SLC30A9: variants seen among roughly 807,000 people sequenced by gnomAD.
The protein encoded by SLC30A9 is solute carrier family 30 member 9.
In SLC30A9, 58 loss-of-function variants were observed where a neutral mutation model predicts 87.5. The ratio of observed to expected loss-of-function variants is 0.66; its 90% CI spans 0.54 to 0.82. The LOEUF (loss-of-function observed/expected upper bound fraction) is 0.82, where lower values mean the gene tolerates loss of function less well. Ranked by LOEUF, SLC30A9 falls within the 40% of genes least tolerant of loss-of-function variation. The pLI, the probability that SLC30A9 is intolerant of heterozygous loss-of-function variation, is 0.00. For missense variants in SLC30A9, 557 were observed against 679.1 expected, an observed-to-expected ratio of 0.82 and a Z score of 2.00; for synonymous variants, 234 against 233.0, an observed-to-expected ratio of 1.00 and a Z score of -0.04.
chr4:42,052,021 A>G (rs1318061473), intron 9 of SLC30A9, among the ~76,000 whole-genome samples: 1 of 150,674 alleles, frequency 6.6e-6, no homozygotes, highest in Non-Finnish European at 1.5e-5. Context: ...ATGATATTAT[A>G]TCATAAGTGA....
intron 6 of SLC30A9, among the ~76,000 whole-genome samples, chr4:42,033,891 C>A (rs1413712641): frequency 6.6e-6 from 1 of 152,124 alleles, no homozygotes; most frequent in Non-Finnish European, 1.5e-5. Context: ...GCTTTTTTTA[C>A]TTAACTCTGT....
At chr4:42,022,080 C>T (rs62302127) in intron 4 of SLC30A9, among the ~76,000 whole-genome samples, 1 of 27,452 alleles carries the variant, frequency 3.6e-5, no homozygotes, top group African/African-American at 4.6e-5. Flanking sequence ...GGACTACAGG[C>T]GCCCGCCACC....
At chr4:42,037,239 C>CTTTTTTTTT (rs536795831) in intron 7 of SLC30A9, among the ~76,000 whole-genome samples, 34 of 91,210 alleles carry the variant, frequency 3.7e-4, no homozygotes, top group Non-Finnish European at 4.4e-4. Flanking sequence ...TAAATGCCTT[C>CTTTTTTTTT]TTTTTTTTTT....
intron 17 of SLC30A9, among the ~76,000 whole-genome samples, chr4:42,085,256 G>A (rs1178819311): frequency 6.6e-6 from 1 of 152,142 alleles, no homozygotes; most frequent in Non-Finnish European, 1.5e-5. Context: ...TAGATCTCAT[G>A]AGCAAAATGG....
chr4:41,999,136 A>C (rs901959833), intron 1 of SLC30A9, among the ~76,000 whole-genome samples: 1 of 152,196 alleles, frequency 6.6e-6, no homozygotes, highest in Admixed American at 6.5e-5. Context: ...ATGCCAAGTA[A>C]TGTTTAAATT....
At chr4:42,065,446 A>G (rs777060028) in intron 12 of SLC30A9, 97 bp downstream of exon 12, 19 of 751,040 alleles carry the variant, frequency 2.5e-5, no homozygotes, top group Non-Finnish European at 4.2e-5. Flanking sequence ...GATTAAAGAA[A>G]AGCAAGTGTG....
chr4:42,024,121 T>C (rs965133245), intron 6 of SLC30A9, among the ~76,000 whole-genome samples: 1 of 152,196 alleles, frequency 6.6e-6, no homozygotes, highest in Non-Finnish European at 1.5e-5. Flanking sequence ...ATTAATTAAT[T>C]CAGCAGATAT....
chr4:42,027,487 G>A (rs1716245174), intron 6 of SLC30A9, among the ~76,000 whole-genome samples: 1 of 150,134 alleles, frequency 6.7e-6, no homozygotes, highest in African/African-American at 2.4e-5. Context: ...TAGTATGAGT[G>A]CATACCTGTC....
Position 42,078,299 on chromosome 4 carries a change from GTAGA to G in SLC30A9, c.1641_1644del (p.Arg548LeufsTer5). ...TATTATTGATACTTTAGGAGCTGAA[GTAGA>G]TAGACTTGAGAAGGAACTGAAAGTA... On this transcript the variant is annotated frameshift_variant, in exon 17 of 18. Coordinates refer to ENST00000264451, the MANE Select transcript of SLC30A9 (RefSeq NM_006345.4). LOFTEE classifies it high-confidence loss of function. The G allele has an allele frequency of 6.4e-7, 1 of 1,555,640 alleles. No homozygotes were observed. The highest frequency in any genetic ancestry group is 8.8e-7 in the Non-Finnish European group (1 of 1,133,112).
chr4:42,048,592 C>CTG (rs34683141), intron 8 of SLC30A9, among the ~76,000 whole-genome samples: 100,406 of 151,816 alleles, frequency 0.66, 37,162 homozygotes, highest in East Asian at 0.96. Context: ...TCAGAGTTAA[C>CTG]TGTTTATTTT....
intron 1 of SLC30A9, 141 bp downstream of exon 1, chr4:41,990,901 T>A: frequency 1.5e-6 from 1 of 657,620 alleles, no homozygotes; most frequent in Non-Finnish European, 2.6e-6. Context: ...GCCTTTCCAG[T>A]TCAGCCTGCG....
chr4:42,029,329 A>G (rs1047403666), intron 6 of SLC30A9: 9 of 536,572 alleles, frequency 1.7e-5, no homozygotes, highest in South Asian at 7.6e-5. Flanking sequence ...ATTCTACATA[A>G]TATTTTATGG....
At chr4:41,996,360 T>A (rs930208061) in intron 1 of SLC30A9, among the ~76,000 whole-genome samples, 27 of 151,794 alleles carry the variant, frequency 1.8e-4, no homozygotes, top group Admixed American at 1.6e-3. Flanking sequence ...CCTCCCAAAG[T>A]CCCATTACAG....
chr4:42,079,885 GGATTACAA>G (rs1718691865), intron 17 of SLC30A9, among the ~76,000 whole-genome samples: 1 of 152,078 alleles, frequency 6.6e-6, no homozygotes, highest in Non-Finnish European at 1.5e-5. Flanking sequence ...CAAAGTGCTG[GGATTACAA>G]GCGTGAGCCA....
At chr4:42,039,956 CT>C (rs1304649749) in intron 8 of SLC30A9, among the ~76,000 whole-genome samples, 2 of 152,036 alleles carry the variant, frequency 1.3e-5, no homozygotes, top group Non-Finnish European at 2.9e-5. Context: ...ATACATAATT[CT>C]TTAAGGATTG....
intron 1 of SLC30A9, among the ~76,000 whole-genome samples, chr4:41,994,854 T>G (rs1714626440): frequency 6.9e-6 from 1 of 145,068 alleles, no homozygotes; most frequent in Non-Finnish European, 1.5e-5. Flanking sequence ...AAAGACCATT[T>G]AGACTGTCAA....
chr4:42,053,283 C>T (rs1717457945), intron 9 of SLC30A9, among the ~76,000 whole-genome samples: 1 of 152,172 alleles, frequency 6.6e-6, no homozygotes, highest in Admixed American at 6.5e-5. Flanking sequence ...GGTACAACCA[C>T]TCTGGAAAAT....
intron 1 of SLC30A9, among the ~76,000 whole-genome samples, chr4:42,001,055 C>T (rs1714962196): frequency 6.6e-6 from 1 of 152,068 alleles, no homozygotes; most frequent in African/African-American, 2.4e-5. Flanking sequence ...CCAGATGAAG[C>T]AGCTGAAGTG....
chr4:42,020,189 AT>A (rs1238317085), intron 3 of SLC30A9, among the ~76,000 whole-genome samples: 2 of 152,216 alleles, frequency 1.3e-5, no homozygotes, highest in African/African-American at 4.8e-5. Context: ...AAAGGTTGAC[AT>A]TTTGGGATCA....
Sources: allele counts gnomAD v4.1 joint callset (sites outside exome capture counted in the v4.1 genomes callset), GRCh38; gene constraint gnomAD v4.1.1; transcripts MANE v1.5; gene names NCBI Gene and HGNC (gene_info 2026-07-23, HGNC 2026-07-21).